The following WFS1 variants were observed in gnomAD, a reference collection of about 807,000 sequenced individuals.
The protein encoded by WFS1 is wolframin.
A neutral mutation model predicts 68.5 loss-of-function variants in WFS1; 90 were observed. The observed-to-expected ratio is 1.31, with a 90% CI of 1.11 to 1.56. The LOEUF (loss-of-function observed/expected upper bound fraction) is 1.56, where lower values mean the gene tolerates loss of function less well. WFS1 is among the 40% of genes most tolerant of loss of function. The pLI, the probability that WFS1 is intolerant of heterozygous loss-of-function variation, is 0.00. For synonymous variants in WFS1, 860 were observed against 540.7 expected, an observed-to-expected ratio of 1.59 and a Z score of -8.19; for missense variants, 1,767 against 1,232.6, an observed-to-expected ratio of 1.43 and a Z score of -6.49.
chr4:6,285,441 C>T (rs1035413598), intron 2 of WFS1, among the ~76,000 whole-genome samples: 10 of 152,186 alleles, frequency 6.6e-5, no homozygotes, highest in Middle Eastern at 6.8e-3. Flanking sequence ...TTTGTGTTGG[C>T]GAGTTGTCCA....
chr4:6,300,933 C>T lies in WFS1; in HGVS notation c.1138C>T (p.Leu380=). Residue 380 remains leucine (L), a synonymous_variant, in exon 8 of 8, where the codon CTG becomes TTG. Coordinates refer to ENST00000226760, the MANE Select transcript of WFS1 (RefSeq NM_006005.3). ...GGAGAACTTCCGCACCCTCACCGAC[C>T]TGCTGCTGCGCTTCGAGCCCAACCT... ...AWENFRTLTD[L]LLRFEPNLDV... The T allele has an allele frequency of 6.2e-7, 1 of 1,614,224 alleles. No homozygotes were observed. Among genetic ancestry groups the T allele is most frequent in the Non-Finnish European group, 8.5e-7 (1 of 1,180,040 alleles).
At chr4:6,273,596 CG>C (rs950924818) in intron 1 of WFS1, among the ~76,000 whole-genome samples, 5 of 152,312 alleles carry the variant, frequency 3.3e-5, no homozygotes, top group Middle Eastern at 3.4e-3. Context: ...AAGTGCTTAA[CG>C]TATTCCTGGC....
intron 4 of WFS1, 101 bp from the exon 5 acceptor site, chr4:6,291,096 A>C: frequency 7.4e-7 from 1 of 1,345,380 alleles, no homozygotes; most frequent in South Asian, 1.2e-5. Flanking sequence ...ACCTTCTATG[A>C]GTCTCGCTCG....
intron 7 of WFS1, among the ~76,000 whole-genome samples, chr4:6,295,525 C>T (rs567937078): frequency 6.6e-6 from 1 of 152,326 alleles, no homozygotes; most frequent in East Asian, 1.9e-4. Flanking sequence ...GACTTCATCA[C>T]TTAGCAGATT....
intron 1 of WFS1, among the ~76,000 whole-genome samples, chr4:6,275,719 A>G (rs1056421408): frequency 1.3e-5 from 2 of 152,170 alleles, no homozygotes; most frequent in African/African-American, 4.8e-5. Flanking sequence ...CTTGAGCGAC[A>G]CCAGTCTGAT....
chr4:6,293,066 G>T (rs147869557), intron 6 of WFS1, among the ~76,000 whole-genome samples: 4 of 152,320 alleles, frequency 2.6e-5, no homozygotes, highest in Non-Finnish European at 4.4e-5. Context: ...GAAGCCCGAG[G>T]ACCAGAGAGG....
Position 6,301,302 on chromosome 4 carries a change from G to C in WFS1, c.1507G>C (p.Val503Leu). The C allele has an allele frequency of 1.2e-6, 2 of 1,611,254 alleles. No individual in the cohort carries two copies. Among genetic ancestry groups the C allele is most frequent in the Non-Finnish European group, 1.7e-6 (2 of 1,180,014 alleles). Residue 503 changes from valine to leucine, a missense_variant, in exon 8 of 8, where the codon GTC (valine) becomes CTC (leucine). Transcript: ENST00000226760. ...CCACCTGGTCGTCCTCAACGTCAGCGTCCCGTGCCTGCTCTATGTCTACCT... is the reference window on the plus strand; with the variant it reads ...CCACCTGGTCGTCCTCAACGTCAGCCTCCCGTGCCTGCTCTATGTCTACCT... ...VGHLVVLNVS[V>L]PCLLYVYLLY...
Position 6,302,539 on chromosome 4 carries a change from A to C in WFS1, c.*71A>C, listed in dbSNP as rs1251034644. 3 of 1,596,886 alleles carry C rather than the reference A, an allele frequency of 1.9e-6. No individual in the cohort carries two copies. In the African/African-American group the frequency reaches 4.0e-5, roughly 21 times the overall value. ...CTTTCCCCAGTGTGGCCCCAGCCCG[A>C]CAGGCATGCACCAGTGCCGCCTGTG... On this transcript the variant is annotated 3_prime_UTR_variant, in exon 8 of 8. Coordinates refer to ENST00000226760, the MANE Select transcript of WFS1 (RefSeq NM_006005.3).
intron 6 of WFS1, among the ~76,000 whole-genome samples, chr4:6,293,343 C>G (rs1404163183): frequency 2.0e-5 from 3 of 152,158 alleles, no homozygotes; most frequent in Non-Finnish European, 4.4e-5. Flanking sequence ...GGACAGGGCC[C>G]CAGCACCCCC....
chr4:6,277,249 A>C (rs1463165254), intron 1 of WFS1, among the ~76,000 whole-genome samples: 2 of 152,248 alleles, frequency 1.3e-5, no homozygotes, highest in African/African-American at 4.8e-5. Context: ...CTGTAGAGTC[A>C]CGTGGGTGAG....
At chr4:6,281,607 G>A (rs1425517825) in intron 2 of WFS1, among the ~76,000 whole-genome samples, 1 of 152,110 alleles carries the variant, frequency 6.6e-6, no homozygotes, top group Non-Finnish European at 1.5e-5. Flanking sequence ...CTGAGGTAGG[G>A]TCCTGGGGGT....
At chr4:6,298,409 G>A (rs1419212364) in intron 7 of WFS1, among the ~76,000 whole-genome samples, 1 of 152,254 alleles carries the variant, frequency 6.6e-6, no homozygotes, top group Non-Finnish European at 1.5e-5. Flanking sequence ...GGCAGTGTGA[G>A]CGCCTCTCTG....
chr4:6,277,028 A>G (rs1018076464), intron 1 of WFS1, among the ~76,000 whole-genome samples: 3 of 152,236 alleles, frequency 2.0e-5, no homozygotes, highest in African/African-American at 4.8e-5. Flanking sequence ...TTTTCCAAAT[A>G]AGGGCACATT....
intron 1 of WFS1, among the ~76,000 whole-genome samples, chr4:6,275,985 C>T (rs897298933): frequency 2.0e-5 from 3 of 152,270 alleles, no homozygotes; most frequent in African/African-American, 4.8e-5. Flanking sequence ...AGGTGCAGAG[C>T]GGGATGTGGG....
At chr4:6,274,008 G>C (rs17718958) in intron 1 of WFS1, among the ~76,000 whole-genome samples, 1 of 151,932 alleles carries the variant, frequency 6.6e-6, no homozygotes, top group South Asian at 2.1e-4. Flanking sequence ...CCTTTGTTTA[G>C]CACCTGGGAG....
At chr4:6,299,344 C>T (rs575506445) in intron 7 of WFS1, among the ~76,000 whole-genome samples, 5 of 152,298 alleles carry the variant, frequency 3.3e-5, no homozygotes, top group African/African-American at 1.2e-4. Context: ...GCATGCAGAG[C>T]AGGGGAGCAG....
Position 6,298,190 on chromosome 4 carries a change from C to T in WFS1, c.862-2467C>T, listed in dbSNP as rs1459232509. Among the ~76,000 whole-genome samples the T allele has an allele frequency of 9.2e-5, 14 of 152,328 alleles. No individual in the cohort carries two copies. The South Asian group carries it at 2.3e-3, about 25-fold the overall frequency. On this transcript the variant is annotated intron_variant, in intron 7 of 7. Transcript: ENST00000226760. ...TCCTGCTGTTCGCAAGGCCCCCATACGGGGATTAACTGAGCAGCCTGCCGG... is the reference window on the plus strand; with the variant it reads ...TCCTGCTGTTCGCAAGGCCCCCATATGGGGATTAACTGAGCAGCCTGCCGG...
intron 7 of WFS1, among the ~76,000 whole-genome samples, chr4:6,299,484 G>A (rs982083465): frequency 6.8e-6 from 1 of 148,134 alleles, no homozygotes; most frequent in African/African-American, 2.6e-5. Context: ...GTGGGGGTGG[G>A]TGTGCACGTG....
chr4:6,296,289 C>G (rs1394497862), intron 7 of WFS1, among the ~76,000 whole-genome samples: 2 of 152,208 alleles, frequency 1.3e-5, no homozygotes, highest in Admixed American at 6.5e-5. Context: ...CACAGCAGCC[C>G]TGCTGCAGGG....
Sources: allele counts gnomAD v4.1 joint callset (sites outside exome capture counted in the v4.1 genomes callset), GRCh38; gene constraint gnomAD v4.1.1; transcripts MANE v1.5; gene names NCBI Gene and HGNC (gene_info 2026-07-23, HGNC 2026-07-21).